Variants in ADAM20 observed in about 807,000 individuals in gnomAD.
ADAM20 encodes disintegrin and metalloproteinase domain-containing protein 20.
For missense variants in ADAM20, 871 were observed against 883.2 expected, an observed-to-expected ratio of 0.99 and a Z score of 0.18; for synonymous variants, 305 against 310.2, an observed-to-expected ratio of 0.98 and a Z score of 0.18.
the ADAM20 span, among the ~76,000 whole-genome samples, chr14:70,568,199 A>G: frequency 3.3e-5 from 5 of 152,212 alleles, no homozygotes. Context: ...GTGTCCGCTC[A>G]TATGTTCAAT....
intron 1 of ADAM20, among the ~76,000 whole-genome samples, chr14:70,525,697 T>C (rs1178680642): frequency 1.3e-5 from 2 of 152,192 alleles, no homozygotes; most frequent in Non-Finnish European, 2.9e-5. Context: ...AGACATTTTA[T>C]GTATACCTAA....
In ADAM20 at chr14:70,522,886, C is replaced by T; in HGVS notation, c.1872G>A (p.Lys624=). 7 of 1,614,060 alleles carry T rather than the reference C, an allele frequency of 4.3e-6. No homozygotes were observed. Among genetic ancestry groups the T allele is most frequent in the East Asian group, 4.5e-5 (2 of 44,886 alleles). ...GTGACAGATGAACCATACTGGCACA[C>T]TTCTTACGGATGCAGATCTTTTCTG... is the stretch of plus-strand genomic sequence containing the variant. ...CGPEKICIRK[K]CASMVHLSQA... The change falls in exon 2 of 2, where the codon AAG becomes AAA. Residue 624 remains lysine, a synonymous_variant. Transcript: ENST00000256389.
In ADAM20 at chr14:70,523,866, G is replaced by C; in HGVS notation, c.892C>G (p.Leu298Val). Residue 298 changes from leucine (L) to valine (V), a missense_variant, in exon 2 of 2, where the codon CTT becomes GTT. Leu to Val is a conservative substitution (Grantham distance 32). Coordinates refer to ENST00000256389, the MANE Select transcript of ADAM20 (RefSeq NM_003814.5). ...NNRLQHDVAHLFIKDTQGMKL... is the reference protein window; with the variant it reads ...NNRLQHDVAHVFIKDTQGMKL... ...ATGCCTTGTGTGTCTTTTATGAAAA[G>C]ATGTGCAACATCATGTTGTAGTCGA... is the stretch of plus-strand genomic sequence containing the variant. The C allele has an allele frequency of 8.7e-6, 14 of 1,613,926 alleles. No homozygotes were observed. The highest frequency in any genetic ancestry group is 1.2e-5 in the Non-Finnish European group (14 of 1,179,926).
chr14:70,535,891 A>G (rs1354348760), upstream of ADAM20, among the ~76,000 whole-genome samples: 2 of 152,246 alleles, frequency 1.3e-5, no homozygotes, highest in African/African-American at 4.8e-5. Flanking sequence ...AAATAGCTTC[A>G]AAATATATAA....
chr14:70,568,027 G>A, the ADAM20 span, among the ~76,000 whole-genome samples: 1 of 152,080 alleles, frequency 6.6e-6, no homozygotes, highest in African/African-American at 2.4e-5. Flanking sequence ...ATCAGCCTGG[G>A]CATGAGCTGT....
At chr14:70,578,741 C>A in the ADAM20 span, among the ~76,000 whole-genome samples, 37 of 151,988 alleles carry the variant, frequency 2.4e-4, no homozygotes, top group African/African-American at 8.9e-4. Context: ...GGGTTTGATA[C>A]AAGGGTATAT....
chr14:70,560,269 CTATT>C, the ADAM20 span, among the ~76,000 whole-genome samples: 1 of 152,120 alleles, frequency 6.6e-6, no homozygotes, highest in Non-Finnish European at 1.5e-5. Context: ...GAAACTATCA[CTATT>C]TATGAACTTT....
At chr14:70,535,426 T>G (rs571794375), upstream of ADAM20, among the ~76,000 whole-genome samples, 1 of 152,258 alleles carries the variant, frequency 6.6e-6, no homozygotes, top group South Asian at 2.1e-4. Flanking sequence ...GGGGAAAACT[T>G]TGAGACTTGA....
At chr14:70,525,023 T>G in intron 1 of ADAM20, 90 bp from the exon 2 acceptor site, 1 of 1,162,172 alleles carries the variant, frequency 8.6e-7, no homozygotes, top group Non-Finnish European at 1.2e-6. Context: ...GGACCATATT[T>G]GAAGCAATAA....
At chr14:70,527,588 G>T (rs1397486345) in intron 1 of ADAM20, among the ~76,000 whole-genome samples, 1 of 152,098 alleles carries the variant, frequency 6.6e-6, no homozygotes, top group Non-Finnish European at 1.5e-5. Flanking sequence ...CTCATCAGTG[G>T]TCTGTATTGC....
chr14:70,523,539 G>C lies in ADAM20; in HGVS notation c.1219C>G (p.Leu407Val). ...PPPYPGNIFR[L>V]KYCGNLVVEE... is the part of the protein sequence containing the mutation. ...ACCACTAGATTCCCACAGTACTTCA[G>C]TCTAAATATATTCCCTGGATATGGA... Residue 407 changes from leucine (L) to valine (V), a missense_variant, in exon 2 of 2, where the codon CTG becomes GTG. Physicochemically the swap from Leu to Val is conservative, Grantham distance 32 (BLOSUM62 1). Transcript: ENST00000256389. 1.2e-6 allele frequency: 2 copies of C among 1,614,034 alleles called. No homozygotes were observed. Among genetic ancestry groups the C allele is most frequent in the Non-Finnish European group, 1.7e-6 (2 of 1,179,968 alleles).
the ADAM20 span, among the ~76,000 whole-genome samples, chr14:70,542,509 G>C: frequency 2.0e-5 from 3 of 152,200 alleles, no homozygotes; most frequent in Non-Finnish European, 4.4e-5. Context: ...GGAACCCCAA[G>C]TTATCTTGGA....
At chr14:70,529,317 A>G (rs763288583) in intron 1 of ADAM20, among the ~76,000 whole-genome samples, 2 of 152,210 alleles carry the variant, frequency 1.3e-5, no homozygotes, top group Non-Finnish European at 2.9e-5. Context: ...TAAGATTGAA[A>G]TCACCCCAAG....
At chr14:70,531,953 C>T (rs1883720613) in intron 1 of ADAM20, among the ~76,000 whole-genome samples, 1 of 151,696 alleles carries the variant, frequency 6.6e-6, no homozygotes. Context: ...CAATAGAATC[C>T]CTAACAAAAT....
intron 1 of ADAM20, among the ~76,000 whole-genome samples, chr14:70,534,503 T>A (rs1306138749): frequency 6.6e-6 from 1 of 151,972 alleles, no homozygotes; most frequent in Non-Finnish European, 1.5e-5. Context: ...AGGAAGGAAA[T>A]CCTGTCATAT....
At chr14:70,532,948 A>G (rs1002880794) in intron 1 of ADAM20, among the ~76,000 whole-genome samples, 8 of 152,210 alleles carry the variant, frequency 5.3e-5, no homozygotes, top group Admixed American at 4.6e-4. Context: ...GATGCTCAAC[A>G]TCACTAATCA....
At chr14:70,568,616 A>G in the ADAM20 span, among the ~76,000 whole-genome samples, 3 of 152,256 alleles carry the variant, frequency 2.0e-5, no homozygotes, top group African/African-American at 7.2e-5. Context: ...GTTGAAATCC[A>G]ATACAAAGAC....
chr14:70,532,354 T>C (rs1269105739), intron 1 of ADAM20, among the ~76,000 whole-genome samples: 1 of 151,842 alleles, frequency 6.6e-6, no homozygotes, highest in Non-Finnish European at 1.5e-5. Context: ...AAATAAGACC[T>C]GAGACTATAA....
At chr14:70,555,163 A>G in the ADAM20 span, among the ~76,000 whole-genome samples, 309 of 152,336 alleles carry the variant, frequency 2.0e-3, 1 homozygote, top group Non-Finnish European at 3.2e-3. Flanking sequence ...ACGAAAGTGA[A>G]TAAGTTCTGG....
Sources: allele counts gnomAD v4.1 joint callset (sites outside exome capture counted in the v4.1 genomes callset), GRCh38; gene constraint gnomAD v4.1.1; transcripts MANE v1.5; gene names NCBI Gene and HGNC (gene_info 2026-07-23, HGNC 2026-07-21).